GNAS-AS1: variants seen among roughly 807,000 people sequenced by gnomAD.
The protein encoded by GNAS-AS1 is GNAS antisense RNA 1, also known as GNAS antisense RNA 1 (non-protein coding).
intron 4 of GNAS-AS1, among the ~76,000 whole-genome samples, chr20:58,820,370 G>A (rs1316588051): frequency 6.6e-6 from 1 of 152,234 alleles, no homozygotes; most frequent in Non-Finnish European, 1.5e-5. Flanking sequence ...AGGCACCACA[G>A]TAACCGGAGC....
exon 5 of GNAS-AS1, chr20:58,819,020 C>T (rs1041236203): frequency 5.0e-6 from 2 of 398,550 alleles, no homozygotes; most frequent in African/African-American, 4.1e-5. Flanking sequence ...ATACAGAAAC[C>T]TGCAGAGCAG....
At chr20:58,819,477 C>CT (rs1172928052) in intron 4 of GNAS-AS1, among the ~76,000 whole-genome samples, 1 of 152,172 alleles carries the variant, frequency 6.6e-6, no homozygotes, top group East Asian at 1.9e-4. Flanking sequence ...AAGAGAGAAG[C>CT]AGTTATGGTT....
chr20:58,848,504 T>C (rs1261444997), intron 2 of GNAS-AS1, among the ~76,000 whole-genome samples: 1 of 152,232 alleles, frequency 6.6e-6, no homozygotes, highest in East Asian at 1.9e-4. Context: ...TGGAAAGCTA[T>C]GTTTAAGGTA....
In GNAS-AS1 at chr20:58,830,415, C is replaced by CATT. The variant is rs1379074583; in HGVS notation, n.820-11161_820-11160insAAT. Reference sequence around the variant, plus strand: ...ACCACCATCACTGCCACACCACCATCACCACCACCGCCACACCACCATCAT... The same window carrying CATT: ...ACCACCATCACTGCCACACCACCATCATTACCACCACCGCCACACCACCATCAT... On this transcript the variant is annotated intron_variant and non_coding_transcript_variant, in intron 4 of 4. Transcript: ENST00000424094. Among the ~76,000 whole-genome samples the CATT allele has an allele frequency of 9.7e-4, 140 of 144,410 alleles. 2 individuals carry two copies. The highest frequency in any genetic ancestry group is 2.6e-3 in the African/African-American group (102 of 38,520). The allele number at this position is 144,410 out of a possible 152,430, so 94.7% of individuals were successfully genotyped here.
chr20:58,850,203 G>T (rs2086102153), intron 1 of GNAS-AS1, among the ~76,000 whole-genome samples: 1 of 152,122 alleles, frequency 6.6e-6, no homozygotes, highest in Non-Finnish European at 1.5e-5. Flanking sequence ...ATTTTCTCCA[G>T]CAAGACTTTC....
Position 58,841,587 on chromosome 20 carries a change from A to G in GNAS-AS1, n.819+350T>C, listed in dbSNP as rs1200847763. On this transcript the variant is annotated intron_variant and non_coding_transcript_variant, in intron 4 of 4. Transcript: ENST00000424094. This position sits in a 1 kb window ranked among gnomAD's most constrained non-coding sequence, Gnocchi z 5.0. ...GCCTCCCGTCGCTCGCGGGACAGAG[A>G]CCGCCTCAAAGAGCGTGCGCACCTG... The G allele has an allele frequency of 5.9e-6, 6 of 1,014,894 alleles. No individual in the cohort carries two copies. In the East Asian group the frequency reaches 5.4e-4, roughly 92 times the overall value. 62.9% of individuals were successfully genotyped at this position (1,014,894 alleles called of 1,614,324 possible). A position where few individuals can be genotyped will look rare whatever the true frequency, so the allele number is the denominator to read the frequency against.
chr20:58,841,672 G>A lies in GNAS-AS1; in HGVS notation n.819+265C>T, dbSNP rs532498082. Reference sequence around the variant, plus strand: ...GGGCGGTTAGGGGAAAGTACCTGGGGGAAAGGTAGAGGAGGTAAGGGGACC... The same window carrying A: ...GGGCGGTTAGGGGAAAGTACCTGGGAGAAAGGTAGAGGAGGTAAGGGGACC... On this transcript the variant is annotated intron_variant and non_coding_transcript_variant, in intron 4 of 4. Transcript: ENST00000424094. The surrounding 1 kb of genome is among the most constrained non-coding windows in gnomAD (Gnocchi z 5.0). 9.1e-5 allele frequency: 106 copies of A among 1,169,066 alleles called. 2 individuals carry two copies. The South Asian group carries it at 3.9e-3, about 43-fold the overall frequency. 72.4% of individuals were successfully genotyped at this position (1,169,066 alleles called of 1,614,324 possible).
intron 4 of GNAS-AS1, among the ~76,000 whole-genome samples, chr20:58,830,483 AT>A (rs1183059301): frequency 4.5e-5 from 4 of 88,326 alleles, no homozygotes; most frequent in Non-Finnish European, 7.0e-5. Context: ...CATCATCACC[AT>A]CACCACCATC....
chr20:58,832,140 C>A (rs6128442), intron 4 of GNAS-AS1, among the ~76,000 whole-genome samples: 8,308 of 152,082 alleles, frequency 0.055, 331 homozygotes, highest in East Asian at 0.13. Flanking sequence ...AATACCATTT[C>A]TATAAATACA....
chr20:58,834,846 G>T (rs1026251963), intron 4 of GNAS-AS1, among the ~76,000 whole-genome samples: 1 of 152,172 alleles, frequency 6.6e-6, no homozygotes, highest in Non-Finnish European at 1.5e-5. Context: ...CACAAATACA[G>T]TATTGTAATC....
At chr20:58,828,166 C>T (rs898948369) in intron 4 of GNAS-AS1, among the ~76,000 whole-genome samples, 3 of 151,340 alleles carry the variant, frequency 2.0e-5, no homozygotes, top group Non-Finnish European at 4.4e-5. Flanking sequence ...TTGGCCAAAC[C>T]CTTCCCGGCT....
At position 58,840,833 on chromosome 20, in the gene GNAS-AS1, C is replaced by G; in HGVS notation, n.819+1104G>C. Reference sequence around the variant, plus strand: ...TTCCAAAAAGGGACCCATCCCCATCCGGCGTCACTAATGGAGGACGCCGTC... The same window carrying G: ...TTCCAAAAAGGGACCCATCCCCATCGGGCGTCACTAATGGAGGACGCCGTC... On this transcript the variant is annotated intron_variant and non_coding_transcript_variant, in intron 4 of 4. Coordinates refer to ENST00000424094, the Ensembl canonical transcript of GNAS-AS1. This position sits in a 1 kb window ranked among gnomAD's most constrained non-coding sequence, Gnocchi z 6.0. 6.2e-7 allele frequency: 1 copy of G among 1,612,828 alleles called. No homozygotes were observed.
intron 2 of GNAS-AS1, among the ~76,000 whole-genome samples, chr20:58,848,400 C>T (rs2086022618): frequency 6.6e-6 from 1 of 152,206 alleles, no homozygotes. Flanking sequence ...CTCCTGACTT[C>T]CTCTTCCTTA....
At position 58,840,903 on chromosome 20, in the gene GNAS-AS1, TA is replaced by T. The variant is rs2085690569; in HGVS notation, n.819+1033del. 1.2e-6 allele frequency: 2 copies of T among 1,611,682 alleles called. No individual in the cohort carries two copies. Among genetic ancestry groups the T allele is most frequent in the Admixed American group, 1.7e-5 (1 of 59,924 alleles). ...TGGATTCAGGTTAGTTGCCCACCGC[TA>T]AACTGGGGAGCCTGAGGGCGGTGTG... On this transcript the variant is annotated intron_variant and non_coding_transcript_variant, in intron 4 of 4. Transcript: ENST00000424094. The surrounding 1 kb of genome is among the most constrained non-coding windows in gnomAD (Gnocchi z 6.0).
At chr20:58,848,772 C>T in intron 2 of GNAS-AS1, 1 of 397,160 alleles carries the variant, frequency 2.5e-6, no homozygotes. Context: ...TCCTCAGGTC[C>T]CTGTGGCCTT....
At chr20:58,823,046 G>A (rs1006693108) in intron 4 of GNAS-AS1, among the ~76,000 whole-genome samples, 6 of 151,710 alleles carry the variant, frequency 4.0e-5, no homozygotes, top group East Asian at 2.0e-4. Flanking sequence ...CCCTCTTCAC[G>A]GGCACTTCCC....
intron 4 of GNAS-AS1, among the ~76,000 whole-genome samples, chr20:58,832,696 G>C (rs536363314): frequency 6.8e-4 from 104 of 152,312 alleles, no homozygotes; most frequent in African/African-American, 2.3e-3. Context: ...ACACTCCGAG[G>C]ACAGAGAGAT....
At chr20:58,844,161 G>A (rs898054837) in intron 2 of GNAS-AS1, 1 of 152,132 alleles carries the variant, frequency 6.6e-6, no homozygotes, top group Non-Finnish European at 1.5e-5. Context: ...TCAAGAAGAG[G>A]GAAGCTTTTG....
chr20:58,846,212 GT>G (rs2085934308), intron 2 of GNAS-AS1, among the ~76,000 whole-genome samples: 1 of 152,220 alleles, frequency 6.6e-6, no homozygotes, highest in Admixed American at 6.5e-5. Context: ...AAATTTGGCG[GT>G]TATAAAGAAA....
Sources: allele counts gnomAD v4.1 joint callset (sites outside exome capture counted in the v4.1 genomes callset), GRCh38; gene constraint gnomAD v4.1.1; non-coding constraint Gnocchi (gnomAD v3.1); transcripts MANE v1.5; gene names NCBI Gene and HGNC (gene_info 2026-07-23, HGNC 2026-07-21).